The following PKIA variants were observed in gnomAD, a reference collection of about 807,000 sequenced individuals.
PKIA encodes cAMP-dependent protein kinase inhibitor alpha.
Under a neutral mutation model 7.6 loss-of-function variants are expected in PKIA, and 4 were observed. The ratio of observed to expected loss-of-function variants is 0.52; its 90% CI spans 0.26 to 1.20. The LOEUF (loss-of-function observed/expected upper bound fraction) is 1.20, where lower values mean the gene tolerates loss of function less well. PKIA is among the 50% of genes most tolerant of loss of function. The pLI, the probability that PKIA is intolerant of heterozygous loss-of-function variation, is 0.13. For synonymous variants in PKIA, 21 were observed against 30.7 expected (o/e 0.68, Z 1.04); for missense variants, 73 against 86.2 (o/e 0.85, Z 0.61).
intron 1 of PKIA, among the ~76,000 whole-genome samples, chr8:78,540,367 A>G (rs1314744736): frequency 6.6e-6 from 1 of 152,036 alleles, no homozygotes; most frequent in Non-Finnish European, 1.5e-5. Flanking sequence ...ATATATCCAC[A>G]TCTATTTTGG....
chr8:78,601,434 G>A (rs1808346304), intron 3 of PKIA, among the ~76,000 whole-genome samples: 1 of 152,138 alleles, frequency 6.6e-6, no homozygotes, highest in East Asian at 1.9e-4. Context: ...ATACCTAAGT[G>A]ACATGACCTG....
chr8:78,565,744 A>C (rs1314255135), intron 1 of PKIA, among the ~76,000 whole-genome samples: 1 of 151,704 alleles, frequency 6.6e-6, no homozygotes, highest in African/African-American at 2.4e-5. Flanking sequence ...CTTTTACAGG[A>C]CCAGATACAA....
At chr8:78,548,542 T>C (rs1342402076) in intron 1 of PKIA, among the ~76,000 whole-genome samples, 2 of 152,132 alleles carry the variant, frequency 1.3e-5, no homozygotes, top group East Asian at 3.8e-4. Flanking sequence ...TTTTGATACA[T>C]ACATCCACCT....
At chr8:78,534,212 G>A (rs746549295) in intron 1 of PKIA, 14 of 151,950 alleles carry the variant, frequency 9.2e-5, no homozygotes, top group Non-Finnish European at 1.3e-4. Context: ...TTTATTTCAC[G>A]TCTCCAAAAT....
intron 2 of PKIA, among the ~76,000 whole-genome samples, chr8:78,587,374 G>A (rs1807971985): frequency 6.6e-6 from 1 of 152,196 alleles, no homozygotes. Context: ...TCCCCTCTCT[G>A]ACGTCAGTAC....
intron 2 of PKIA, among the ~76,000 whole-genome samples, chr8:78,583,945 A>G (rs1460327066): frequency 6.6e-6 from 1 of 152,122 alleles, no homozygotes; most frequent in Non-Finnish European, 1.5e-5. Context: ...TGTTGTTTGC[A>G]TTGCCACAGG....
intron 1 of PKIA, among the ~76,000 whole-genome samples, chr8:78,547,166 T>C (rs545444623): frequency 1.6e-4 from 25 of 152,270 alleles, no homozygotes; most frequent in African/African-American, 5.5e-4. Context: ...TGGAGTGCAA[T>C]GGCAACATCT....
intron 1 of PKIA, among the ~76,000 whole-genome samples, chr8:78,557,056 A>AT (rs1168231869): frequency 1.3e-5 from 2 of 151,992 alleles, no homozygotes; most frequent in African/African-American, 4.8e-5. Context: ...CCTACTTGTC[A>AT]TTTTTTTCCT....
At chr8:78,546,764 G>A (rs1321243787) in intron 1 of PKIA, among the ~76,000 whole-genome samples, 1 of 152,124 alleles carries the variant, frequency 6.6e-6, no homozygotes, top group Non-Finnish European at 1.5e-5. Context: ...ATTGTTTTCT[G>A]AAGCCACCAG....
chr8:78,575,598 T>C (rs76792005), intron 2 of PKIA, among the ~76,000 whole-genome samples: 1 of 152,032 alleles, frequency 6.6e-6, no homozygotes, highest in Non-Finnish European at 1.5e-5. Context: ...ATGCCTCCTA[T>C]TATACACGTG....
chr8:78,582,450 G>A (rs181072804), intron 2 of PKIA, among the ~76,000 whole-genome samples: 7 of 152,080 alleles, frequency 4.6e-5, no homozygotes, highest in Admixed American at 3.3e-4. Context: ...TCACTATCAC[G>A]AGAACAGCAT....
chr8:78,541,704 C>T lies in PKIA; in HGVS notation c.-157+25236C>T, dbSNP rs933582070. On this transcript the variant is annotated intron_variant, in intron 1 of 3. Coordinates refer to ENST00000396418, the MANE Select transcript of PKIA (RefSeq NM_006823.4). The stretch of plus-strand genomic sequence containing the variant: ...TCAAATGGTAATTAAAGTGTCAAAA[C>T]CATGTTTCAACACTTGTTTTTATGT... 7.9e-5 allele frequency among the ~76,000 whole-genome samples: 12 copies of T among 152,240 alleles called. No homozygotes were observed. In the South Asian group the frequency reaches 8.3e-4, roughly 11 times the overall value.
At chr8:78,571,652 T>C (rs1435774128) in intron 1 of PKIA, among the ~76,000 whole-genome samples, 3 of 152,138 alleles carry the variant, frequency 2.0e-5, no homozygotes, top group Admixed American at 2.0e-4. Context: ...GCTGTGCCTC[T>C]CTTGGCTTTC....
intron 2 of PKIA, among the ~76,000 whole-genome samples, chr8:78,573,953 G>T (rs1447160790): frequency 6.6e-6 from 1 of 151,984 alleles, no homozygotes; most frequent in Non-Finnish European, 1.5e-5. Flanking sequence ...TGAGTCTGCT[G>T]ATATAGCTGA....
chr8:78,576,644 A>G (rs1807679670), intron 2 of PKIA, among the ~76,000 whole-genome samples: 1 of 152,024 alleles, frequency 6.6e-6, no homozygotes, highest in Non-Finnish European at 1.5e-5. Context: ...GCCTGCATTT[A>G]AAGGGTTCAA....
chr8:78,591,306 C>T (rs1443059823), intron 2 of PKIA: 1 of 152,602 alleles, frequency 6.6e-6, no homozygotes, highest in African/African-American at 2.4e-5. Flanking sequence ...TTTTCATAGC[C>T]TCTTGAAATC....
intron 2 of PKIA, among the ~76,000 whole-genome samples, chr8:78,595,067 C>G (rs1246991249): frequency 6.6e-6 from 1 of 152,134 alleles, no homozygotes; most frequent in African/African-American, 2.4e-5. Context: ...CTAGTTGAGC[C>G]AATTGGCACA....
chr8:78,541,807 C>CTT (rs780479329), intron 1 of PKIA, among the ~76,000 whole-genome samples: 6,168 of 134,184 alleles, frequency 0.046, 421 homozygotes, highest in African/African-American at 0.15. Flanking sequence ...TTGGATTTCT[C>CTT]TTTTTTTTTT....
intron 1 of PKIA, among the ~76,000 whole-genome samples, chr8:78,548,602 G>T (rs1806895137): frequency 6.6e-6 from 1 of 152,056 alleles, no homozygotes; most frequent in Non-Finnish European, 1.5e-5. Context: ...TGGAAACAAA[G>T]AATTAAACAG....
Sources: allele counts gnomAD v4.1 joint callset (sites outside exome capture counted in the v4.1 genomes callset), GRCh38; gene constraint gnomAD v4.1.1; transcripts MANE v1.5; gene names NCBI Gene and HGNC (gene_info 2026-07-23, HGNC 2026-07-21).